Variants in TTC29 observed in about 807,000 individuals in gnomAD.
TTC29 encodes tetratricopeptide repeat protein 29.
TTC29 carries 49 observed loss-of-function variants against 58.1 expected under a neutral mutation model. That is an observed-to-expected ratio of 0.84 (90% CI 0.67 to 1.07). TTC29 has a LOEUF of 1.07. TTC29 is among the 50% of genes least tolerant of loss of function. The pLI is 0.00. For synonymous variants in TTC29, 209 were observed against 196.8 expected, an observed-to-expected ratio of 1.06 and a Z score of -0.52; for missense variants, 582 against 555.6, an observed-to-expected ratio of 1.05 and a Z score of -0.48.
chr4:146,764,739 C>G (rs1480228878), intron 11 of TTC29, among the ~76,000 whole-genome samples: 1 of 152,044 alleles, frequency 6.6e-6, no homozygotes, highest in Admixed American at 6.6e-5. Context: ...CAGACTTAGG[C>G]TTTAACAATG....
chr4:146,937,291 T>C (rs73855087), intron 4 of TTC29, among the ~76,000 whole-genome samples: 11,383 of 152,002 alleles, frequency 0.075, 1,449 homozygotes, highest in African/African-American at 0.26. Flanking sequence ...TTCTTTCCCA[T>C]GGAGACAACA....
intron 11 of TTC29, among the ~76,000 whole-genome samples, chr4:146,777,994 T>C (rs1433805614): frequency 6.6e-6 from 1 of 152,132 alleles, no homozygotes; most frequent in Non-Finnish European, 1.5e-5. Context: ...GAGCTCACAT[T>C]GGGTTTCAGA....
At chr4:146,878,342 TAA>T (rs1731411517) in intron 6 of TTC29, among the ~76,000 whole-genome samples, 1 of 152,110 alleles carries the variant, frequency 6.6e-6, no homozygotes, top group Non-Finnish European at 1.5e-5. Flanking sequence ...GATGCTTGGG[TAA>T]AAGAGAACAG....
Position 146,822,121 on chromosome 4 carries a change from TA to T in TTC29, c.978-1874del, listed in dbSNP as rs200326558. Among the ~76,000 whole-genome samples, 914 of 143,192 alleles carry T rather than the reference TA, an allele frequency of 6.4e-3. 6 individuals are homozygous for T. Among genetic ancestry groups the T allele is most frequent in the South Asian group, 0.034 (151 of 4,490 alleles). The allele number at this position is 143,192 out of a possible 152,430, so 93.9% of individuals were successfully genotyped here. On this transcript the variant is annotated intron_variant, in intron 9 of 12. Transcript: ENST00000325106. Reference sequence around the variant, plus strand: ...TGCAAGTTCAGAAAGTATTTTCTTTTAAAAAAAAAAAAAAGGGATACATGTG... The same window carrying T: ...TGCAAGTTCAGAAAGTATTTTCTTTTAAAAAAAAAAAAAGGGATACATGTG...
At chr4:146,833,207 T>C (rs1052489376) in intron 9 of TTC29, among the ~76,000 whole-genome samples, 2 of 152,250 alleles carry the variant, frequency 1.3e-5, no homozygotes, top group Non-Finnish European at 2.9e-5. Flanking sequence ...AATGCTACTC[T>C]ATAACAATCA....
chr4:146,726,045 T>A (rs919428999), intron 11 of TTC29, among the ~76,000 whole-genome samples: 2 of 152,158 alleles, frequency 1.3e-5, no homozygotes, highest in African/African-American at 4.8e-5. Context: ...GCTAATTTTT[T>A]ATTTTAATTT....
Position 146,790,075 on chromosome 4 carries a change from C to T in TTC29, c.1330+13382G>A, listed in dbSNP as rs77115575. Among the ~76,000 whole-genome samples, 700 of 152,300 alleles carry T rather than the reference C, an allele frequency of 4.6e-3. 5 individuals carry two copies. The highest frequency in any genetic ancestry group is 0.016 in the African/African-American group (657 of 41,562). On this transcript the variant is annotated intron_variant, in intron 11 of 12. Transcript: ENST00000325106. ...TTTATCTGGATATCTTCTCCCCACC[C>T]TCCTACATATACATGCCTTGATTCC...
chr4:146,938,074 G>A (rs75143743), intron 3 of TTC29, among the ~76,000 whole-genome samples: 8,920 of 152,186 alleles, frequency 0.059, 366 homozygotes, highest in South Asian at 0.16. Context: ...AATGTGTAAC[G>A]TGAATTTATT....
At chr4:146,832,366 T>C (rs1344897790) in intron 9 of TTC29, among the ~76,000 whole-genome samples, 1 of 152,154 alleles carries the variant, frequency 6.6e-6, no homozygotes, top group East Asian at 1.9e-4. Flanking sequence ...AATAGCTGAG[T>C]TGGTCTTCCA....
At chr4:146,822,732 G>C (rs1751933183) in intron 9 of TTC29, among the ~76,000 whole-genome samples, 1 of 152,188 alleles carries the variant, frequency 6.6e-6, no homozygotes. Flanking sequence ...CAGTGTATAA[G>C]TGTTCCTATT....
intron 10 of TTC29, among the ~76,000 whole-genome samples, chr4:146,805,496 G>C (rs1265395947): frequency 6.6e-6 from 1 of 152,002 alleles, no homozygotes; most frequent in Non-Finnish European, 1.5e-5. Flanking sequence ...TTGACAAAAG[G>C]TTAGATGAAT....
chr4:146,802,710 T>C (rs1025648643), intron 11 of TTC29, among the ~76,000 whole-genome samples: 1 of 152,204 alleles, frequency 6.6e-6, no homozygotes, highest in Non-Finnish European at 1.5e-5. Flanking sequence ...ATGATTCCAT[T>C]TGAGTTATGC....
intron 11 of TTC29, among the ~76,000 whole-genome samples, chr4:146,776,299 T>C (rs1473420572): frequency 2.0e-5 from 3 of 152,186 alleles, no homozygotes; most frequent in Non-Finnish European, 4.4e-5. Context: ...CATTTCAACC[T>C]TTTCAGCCTG....
At chr4:146,895,601 C>T (rs189518319) in intron 6 of TTC29, among the ~76,000 whole-genome samples, 189 of 152,218 alleles carry the variant, frequency 1.2e-3, no homozygotes, top group Non-Finnish European at 2.2e-3. Flanking sequence ...TGAGCCTGTA[C>T]GAGAGCCTGA....
At chr4:146,852,885 T>C (rs1312386211) in intron 8 of TTC29, among the ~76,000 whole-genome samples, 1 of 152,232 alleles carries the variant, frequency 6.6e-6, no homozygotes, top group Admixed American at 6.5e-5. Flanking sequence ...CCCTGTTTTA[T>C]TGTTTTTGCT....
At chr4:146,888,756 G>C (rs1039813182) in intron 6 of TTC29, among the ~76,000 whole-genome samples, 1 of 152,046 alleles carries the variant, frequency 6.6e-6, no homozygotes, top group East Asian at 1.9e-4. Flanking sequence ...TTGACACACA[G>C]TTTTTAATTA....
intron 11 of TTC29, among the ~76,000 whole-genome samples, chr4:146,728,786 T>G (rs1744020314): frequency 7.6e-6 from 1 of 132,102 alleles, no homozygotes; most frequent in Non-Finnish European, 1.6e-5. Context: ...TATATATGTG[T>G]ATATATACGT....
intron 11 of TTC29, among the ~76,000 whole-genome samples, chr4:146,739,094 G>A (rs879468218): frequency 6.6e-6 from 1 of 152,050 alleles, no homozygotes; most frequent in Admixed American, 6.5e-5. Flanking sequence ...AGAATTAAAG[G>A]AAATAGCTAT....
At chr4:146,755,231 C>T (rs1746352076) in intron 11 of TTC29, among the ~76,000 whole-genome samples, 1 of 152,028 alleles carries the variant, frequency 6.6e-6, no homozygotes. Flanking sequence ...TTGAAGAAGA[C>T]ACAAATGGGA....
Sources: gnomAD v4.1 joint callset for allele counts (sites outside exome capture counted in the v4.1 genomes callset) on GRCh38, gnomAD v4.1.1 for gene constraint, MANE v1.5 for transcripts, NCBI Gene and HGNC (gene_info 2026-07-23, HGNC 2026-07-21) for gene names.